PTPN4: variants seen among roughly 807,000 people sequenced by gnomAD.
PTPN4 encodes tyrosine-protein phosphatase non-receptor type 4.
Under a neutral mutation model 135.5 loss-of-function variants are expected in PTPN4, and 49 were observed. The observed-to-expected ratio is 0.36, with a 90% confidence interval of 0.29 to 0.46. The LOEUF is 0.46. Ranked by LOEUF, PTPN4 falls within the 20% of genes least tolerant of loss-of-function variation. The probability of loss-of-function intolerance (pLI) is 1.00; values close to 1 mark genes in which losing one functional copy is unlikely to be tolerated. For synonymous variants in PTPN4, 333 were observed against 369.9 expected, an observed-to-expected ratio of 0.90 and a Z score of 1.14; for missense variants, 860 against 1,101.0, an observed-to-expected ratio of 0.78 and a Z score of 3.10.
chr2:119,888,169 T>C (rs1678187197), intron 9 of PTPN4, among the ~76,000 whole-genome samples: 1 of 152,212 alleles, frequency 6.6e-6, no homozygotes, highest in Admixed American at 6.5e-5. Context: ...TAGATCATTA[T>C]TGATGTATAG....
intron 3 of PTPN4, among the ~76,000 whole-genome samples, chr2:119,875,077 A>G (rs770735743): frequency 3.9e-5 from 6 of 152,152 alleles, no homozygotes; most frequent in Non-Finnish European, 5.9e-5. Flanking sequence ...GTGAACTTGC[A>G]TTCTTATTCA....
rs1342345619 is a variant in PTPN4 at position 119,984,481 on chromosome 2, A to G, written c.*7411A>G. ...ACCTTTCCCCCTATATCACAAAAAT[A>G]TCTCTTTCCATATGATCTCATAATT... On this transcript the variant is annotated 3_prime_UTR_variant, in exon 27 of 27. Transcript: ENST00000263708. Among the ~76,000 whole-genome samples, 2 of 152,326 alleles carry G rather than the reference A, an allele frequency of 1.3e-5. No individual in the cohort carries two copies. Among genetic ancestry groups the G allele is most frequent in the East Asian group, 3.9e-4 (2 of 5,192 alleles).
intron 2 of PTPN4, among the ~76,000 whole-genome samples, chr2:119,843,221 T>TC (rs1263660805): frequency 6.9e-6 from 1 of 145,034 alleles, no homozygotes. Flanking sequence ...CATTTTTCTT[T>TC]TTTTTTTTTT....
At chr2:119,925,526 A>G (rs1040030924) in intron 12 of PTPN4, among the ~76,000 whole-genome samples, 1 of 152,204 alleles carries the variant, frequency 6.6e-6, no homozygotes, top group Non-Finnish European at 1.5e-5. Flanking sequence ...GGAGAACTTT[A>G]AAACTTATCC....
At chr2:119,844,948 T>C (rs1212605969) in intron 2 of PTPN4, among the ~76,000 whole-genome samples, 1 of 151,036 alleles carries the variant, frequency 6.6e-6, no homozygotes, top group African/African-American at 2.4e-5. Flanking sequence ...GCCACTGCAC[T>C]CCAGCCTGGG....
At chr2:119,821,810 A>C (rs971544245) in intron 2 of PTPN4, among the ~76,000 whole-genome samples, 1 of 152,132 alleles carries the variant, frequency 6.6e-6, no homozygotes, top group Non-Finnish European at 1.5e-5. Flanking sequence ...TTTACCCTAG[A>C]CTTAATTGAT....
intron 8 of PTPN4, among the ~76,000 whole-genome samples, chr2:119,883,914 C>T (rs1678116510): frequency 6.6e-6 from 1 of 152,090 alleles, no homozygotes; most frequent in Non-Finnish European, 1.5e-5. Flanking sequence ...AAACCATGGC[C>T]ATTGAAACGG....
At chr2:119,877,436 T>A in intron 4 of PTPN4, 28 bp from the exon 5 acceptor site, 1 of 1,605,198 alleles carries the variant, frequency 6.2e-7, no homozygotes, top group Non-Finnish European at 8.5e-7. Flanking sequence ...ATAGTCTGAT[T>A]AATTAGAACT....
At chr2:119,901,609 C>G (rs906830482) in intron 10 of PTPN4, among the ~76,000 whole-genome samples, 6 of 152,216 alleles carry the variant, frequency 3.9e-5, no homozygotes, top group African/African-American at 1.4e-4. Flanking sequence ...AGGCAGTAAA[C>G]ACAATTTGAA....
chr2:119,796,039 G>T (rs1372071148), intron 1 of PTPN4, among the ~76,000 whole-genome samples: 4 of 152,212 alleles, frequency 2.6e-5, no homozygotes, highest in Non-Finnish European at 5.9e-5. Flanking sequence ...GCAGTGGGGA[G>T]CATGATTGCC....
intron 26 of PTPN4, among the ~76,000 whole-genome samples, chr2:119,976,706 T>C: frequency 6.6e-6 from 1 of 152,162 alleles, no homozygotes; most frequent in Admixed American, 6.5e-5. Context: ...GTAAATTAGG[T>C]TAATTTTCTT....
intron 1 of PTPN4, among the ~76,000 whole-genome samples, chr2:119,775,384 G>A (rs1690816602): frequency 6.6e-6 from 1 of 152,162 alleles, no homozygotes. Flanking sequence ...CCTGAAGTCA[G>A]GAACTACCTT....
chr2:119,813,077 C>T (rs1050125968), intron 2 of PTPN4, among the ~76,000 whole-genome samples: 7 of 152,248 alleles, frequency 4.6e-5, no homozygotes, highest in Non-Finnish European at 4.4e-5. Context: ...CTTAATTTTG[C>T]TCCATTATGT....
intron 23 of PTPN4, among the ~76,000 whole-genome samples, chr2:119,961,523 C>T (rs556471640): frequency 5.9e-5 from 9 of 152,290 alleles, no homozygotes; most frequent in African/African-American, 2.2e-4. Flanking sequence ...AAGAGTTAAA[C>T]GTCGAGTTGG....
intron 1 of PTPN4, among the ~76,000 whole-genome samples, chr2:119,764,010 C>G (rs1175839634): frequency 6.6e-6 from 1 of 152,182 alleles, no homozygotes; most frequent in Admixed American, 6.5e-5. Flanking sequence ...TCCAAGGTTC[C>G]TTCTTGCCTG....
chr2:119,974,001 T>C (rs1190923060), intron 26 of PTPN4, among the ~76,000 whole-genome samples: 1 of 152,168 alleles, frequency 6.6e-6, no homozygotes, highest in African/African-American at 2.4e-5. Context: ...TCATATCTAC[T>C]ATTTGGTTAG....
At chr2:119,924,136 C>CA (rs35572826) in intron 12 of PTPN4, among the ~76,000 whole-genome samples, 1,041 of 76,648 alleles carry the variant, frequency 0.014, 22 homozygotes, top group East Asian at 0.063. Flanking sequence ...GACTCCGTCT[C>CA]AAAAAAAAAA....
At chr2:119,971,225 C>T (rs749827369) in intron 26 of PTPN4, among the ~76,000 whole-genome samples, 9 of 152,028 alleles carry the variant, frequency 5.9e-5, no homozygotes, top group African/African-American at 9.7e-5. Flanking sequence ...ACATGGCCGG[C>T]GGGAGAGAGA....
intron 15 of PTPN4, among the ~76,000 whole-genome samples, chr2:119,941,362 G>GA (rs1179876186): frequency 6.6e-6 from 1 of 151,834 alleles, no homozygotes. Context: ...CCCAATATTT[G>GA]AATTTCAGGA....
Sources: gnomAD v4.1 joint callset for allele counts (sites outside exome capture counted in the v4.1 genomes callset) on GRCh38, gnomAD v4.1.1 for gene constraint, MANE v1.5 for transcripts, NCBI Gene and HGNC (gene_info 2026-07-23, HGNC 2026-07-21) for gene names.